The following SRP72 variants were observed in gnomAD, a reference collection of about 807,000 sequenced individuals.
SRP72 encodes the protein signal recognition particle 72.
In SRP72, 49 loss-of-function variants were observed where a neutral mutation model predicts 96.3. That is an observed-to-expected ratio of 0.51 (90% CI 0.40 to 0.65). The LOEUF (loss-of-function observed/expected upper bound fraction) is 0.65, where lower values mean the gene tolerates loss of function less well. SRP72 is among the 30% of genes least tolerant of loss of function. The probability of loss-of-function intolerance (pLI) is 0.00; values close to 1 mark genes in which losing one functional copy is unlikely to be tolerated. For synonymous variants in SRP72, 267 were observed against 275.2 expected (o/e 0.97, Z 0.30); for missense variants, 736 against 793.3 (o/e 0.93, Z 0.87).
intron 11 of SRP72, among the ~76,000 whole-genome samples, chr4:56,487,529 G>C (rs532409621): frequency 6.6e-6 from 1 of 152,192 alleles, no homozygotes; most frequent in African/African-American, 2.4e-5. Flanking sequence ...GGTTTGCAGT[G>C]AATACAAAAT....
chr4:56,480,866 A>G (rs116182539), intron 8 of SRP72, among the ~76,000 whole-genome samples: 1 of 152,208 alleles, frequency 6.6e-6, no homozygotes, highest in Non-Finnish European at 1.5e-5. Context: ...GGCAAGTTTG[A>G]GCTGACCCTT....
At chr4:56,468,237 G>C (rs1719826467) in intron 1 of SRP72, among the ~76,000 whole-genome samples, 1 of 152,136 alleles carries the variant, frequency 6.6e-6, no homozygotes, top group Non-Finnish European at 1.5e-5. Context: ...GAAGCTGTAC[G>C]GGTTCTACGG....
In SRP72 at chr4:56,476,825, A is replaced by G. The variant is rs1720241902; in HGVS notation, c.642+123A>G. 9 of 900,598 alleles carry G rather than the reference A, an allele frequency of 1.0e-5. No homozygotes were observed. The South Asian group carries it at 1.4e-4, about 14-fold the overall frequency. The allele number at this position is 900,598 out of a possible 1,614,324, so 55.8% of individuals were successfully genotyped here. On this transcript the variant is annotated intron_variant, in intron 6 of 18. Coordinates refer to ENST00000642900, the MANE Select transcript of SRP72 (RefSeq NM_006947.4). The stretch of plus-strand genomic sequence containing the variant: ...TGGCAATTCATTAAGTAGGAATCAC[A>G]CTAGAAACCACCCTCTAGTATCAGT...
intron 15 of SRP72, among the ~76,000 whole-genome samples, chr4:56,491,126 AT>A (rs1245138606): frequency 6.6e-6 from 1 of 152,224 alleles, no homozygotes; most frequent in Non-Finnish European, 1.5e-5. Context: ...GTCACAAGTC[AT>A]AAACTTGATA....
In SRP72 at chr4:56,483,027, A is replaced by G. The variant is rs1578185848; in HGVS notation, c.826-112A>G. 10 of 942,516 alleles carry G rather than the reference A, an allele frequency of 1.1e-5. No homozygotes were observed. In the East Asian group the frequency reaches 2.8e-4, roughly 26 times the overall value. 58.4% of individuals were successfully genotyped at this position (942,516 alleles called of 1,614,324 possible). On this transcript the variant is annotated intron_variant, in intron 8 of 18. Coordinates refer to ENST00000642900, the MANE Select transcript of SRP72 (RefSeq NM_006947.4). ...TGCATCTTATTAGCTTAGGCACCCC[A>G]ATCAGGTAGATAGATTCAAGCTCTC... is the stretch of plus-strand genomic sequence containing the variant.
chr4:56,493,015 T>A (rs116773039), intron 16 of SRP72, among the ~76,000 whole-genome samples: 1,995 of 152,274 alleles, frequency 0.013, 28 homozygotes, highest in African/African-American at 0.045. Flanking sequence ...AAAGTTTTTT[T>A]AAATAATCTT....
Position 56,501,903 on chromosome 4 carries a change from G to C in SRP72, c.*42G>C. On this transcript the variant is annotated 3_prime_UTR_variant, in exon 19 of 19. Coordinates refer to ENST00000642900, the MANE Select transcript of SRP72 (RefSeq NM_006947.4). ...GCAGGCTGTTTTTAAACTAGTGTCAGTGACACTAGGAATATAATAAAGGTA... is the reference window on the plus strand; with the variant it reads ...GCAGGCTGTTTTTAAACTAGTGTCACTGACACTAGGAATATAATAAAGGTA... 3 of 1,570,072 alleles carry C rather than the reference G, an allele frequency of 1.9e-6. No individual in the cohort carries two copies. The highest frequency in any genetic ancestry group is 2.6e-6 in the Non-Finnish European group (3 of 1,140,504).
intron 6 of SRP72, 49 bp downstream of exon 6, chr4:56,476,751 A>T: frequency 6.4e-7 from 1 of 1,573,892 alleles, no homozygotes. Flanking sequence ...TCTGACTATG[A>T]TAGATTACTG....
intron 17 of SRP72, 172 bp from the exon 18 acceptor site, chr4:56,500,364 A>G (rs1252060332): frequency 7.1e-5 from 48 of 672,128 alleles, no homozygotes; most frequent in Non-Finnish European, 1.1e-4. Flanking sequence ...TTAAAGTATA[A>G]TAATTTAAAA....
At chr4:56,488,119 A>G in intron 12 of SRP72, 106 bp downstream of exon 12, 2 of 699,186 alleles carry the variant, frequency 2.9e-6, no homozygotes, top group Non-Finnish European at 4.7e-6. Context: ...ACTTTAAGGT[A>G]GGAGTAGTAA....
intron 10 of SRP72, among the ~76,000 whole-genome samples, chr4:56,485,805 A>G (rs1720690670): frequency 6.6e-6 from 1 of 152,178 alleles, no homozygotes; most frequent in South Asian, 2.1e-4. Context: ...CGCCTCAGAA[A>G]AAAAAAGCAC....
intron 6 of SRP72, 100 bp from the exon 7 acceptor site, chr4:56,478,279 G>A (rs1440025125): frequency 2.6e-6 from 3 of 1,153,038 alleles, no homozygotes; most frequent in East Asian, 5.9e-5. Flanking sequence ...CTGAAATTAT[G>A]TGTCTTCAGG....
rs559986637 is a variant in SRP72, at chr4:56,503,411, T to C, written c.*1550T>C. 2 of 152,350 alleles carry C rather than the reference T, an allele frequency of 1.3e-5. No homozygotes were observed. The highest frequency in any genetic ancestry group is 2.4e-5 in the African/African-American group (1 of 41,582). 9.4% of individuals were successfully genotyped at this position (152,350 alleles called of 1,614,324 possible). A position where few individuals can be genotyped will look rare whatever the true frequency, so the allele number is the denominator to read the frequency against. On this transcript the variant is annotated 3_prime_UTR_variant, in exon 19 of 19. Transcript: ENST00000642900. ...CAGCAGTGAAATTTATAGTTCTCAA[T>C]TTAGTTGTCATTATTGACAGGCATT...
chr4:56,476,782 T>C, intron 6 of SRP72, 80 bp downstream of exon 6: 1 of 1,453,068 alleles, frequency 6.9e-7, no homozygotes, highest in Non-Finnish European at 9.5e-7. Flanking sequence ...GTACTATTTA[T>C]TGACTTTTTT....
At chr4:56,492,352 G>T (rs1720939011) in intron 16 of SRP72, among the ~76,000 whole-genome samples, 1 of 151,926 alleles carries the variant, frequency 6.6e-6, no homozygotes, top group East Asian at 1.9e-4. Flanking sequence ...AAGGTTAGTC[G>T]GCTTCATCTA....
intron 16 of SRP72, 88 bp downstream of exon 16, chr4:56,491,656 A>T: frequency 7.6e-7 from 1 of 1,307,244 alleles, no homozygotes; most frequent in East Asian, 2.4e-5. Flanking sequence ...TTTCATGTGA[A>T]TAAAGTTCTA....
chr4:56,500,513 A>C, intron 17 of SRP72, 23 bp from the exon 18 acceptor site: 1 of 1,607,428 alleles, frequency 6.2e-7, no homozygotes, highest in Non-Finnish European at 8.5e-7. Flanking sequence ...CACATCTCTC[A>C]TTTCTTTATA....
At position 56,467,697 on chromosome 4, in the gene SRP72, A is replaced by G; in HGVS notation, c.62A>G (p.Tyr21Cys). 5 of 1,509,388 alleles carry G rather than the reference A, an allele frequency of 3.3e-6. No homozygotes were observed. Among genetic ancestry groups the G allele is most frequent in the Non-Finnish European group, 4.4e-6 (5 of 1,124,296 alleles). 93.5% of individuals were successfully genotyped at this position (1,509,388 alleles called of 1,614,324 possible). ...VPALWSEVNR[Y>C]GQNGDFTRAL... ...GCGCTGTGGAGTGAAGTGAACCGGTATGGCCAGAACGGCGACTTCACGCGC... is the reference window on the plus strand; with the variant it reads ...GCGCTGTGGAGTGAAGTGAACCGGTGTGGCCAGAACGGCGACTTCACGCGC... The change falls in exon 1 of 19, where the codon TAT becomes TGT. Residue 21 changes from tyrosine to cysteine, a missense_variant. Physicochemically the swap from Tyr to Cys is radical, Grantham distance 194. Coordinates refer to ENST00000642900, the MANE Select transcript of SRP72 (RefSeq NM_006947.4).
rs1721233340 is a variant in SRP72, at chr4:56,500,708, T to G, written c.1838+13T>G. On this transcript the variant is annotated intron_variant, in intron 18 of 18. Coordinates refer to ENST00000642900, the MANE Select transcript of SRP72 (RefSeq NM_006947.4). ...CTTCATCTGAACTGTAAGTTATTGCTCCACAATTGAGGGCACTTAGAACAT... is the reference window on the plus strand; with the variant it reads ...CTTCATCTGAACTGTAAGTTATTGCGCCACAATTGAGGGCACTTAGAACAT... 6.2e-7 allele frequency: 1 copy of G among 1,608,112 alleles called. No individual in the cohort carries two copies. Among genetic ancestry groups the G allele is most frequent in the East Asian group, 2.2e-5 (1 of 44,816 alleles).
Sources: allele counts gnomAD v4.1 joint callset (sites outside exome capture counted in the v4.1 genomes callset), GRCh38; gene constraint gnomAD v4.1.1; transcripts MANE v1.5; gene names NCBI Gene and HGNC (gene_info 2026-07-23, HGNC 2026-07-21).